Variants in ZFP82 observed in about 807,000 individuals in gnomAD.
ZFP82 encodes the protein zinc finger protein 82 homolog.
ZFP82 carries 30 observed loss-of-function variants against 54.0 expected under a neutral mutation model. The ratio of observed to expected loss-of-function variants is 0.56; its 90% CI spans 0.42 to 0.75. The LOEUF is 0.75. Ranked by LOEUF, ZFP82 falls within the 30% of genes least tolerant of loss-of-function variation. The pLI, the probability that ZFP82 is intolerant of heterozygous loss-of-function variation, is 0.00. For missense variants in ZFP82, 500 were observed against 636.8 expected, an observed-to-expected ratio of 0.79 and a Z score of 2.31; for synonymous variants, 194 against 209.5, an observed-to-expected ratio of 0.93 and a Z score of 0.64.
At chr19:36,408,782 ACTCCAG>A (rs1238893369) in intron 2 of ZFP82, among the ~76,000 whole-genome samples, 3 of 152,078 alleles carry the variant, frequency 2.0e-5, no homozygotes, top group Non-Finnish European at 4.4e-5. Flanking sequence ...ACACCATTGC[ACTCCAG>A]CCTAGCCAAC....
At chr19:36,399,490 G>T (rs941288124) in intron 4 of ZFP82, among the ~76,000 whole-genome samples, 1 of 152,216 alleles carries the variant, frequency 6.6e-6, no homozygotes, top group Non-Finnish European at 1.5e-5. Flanking sequence ...CAGACAAGAG[G>T]TTAGGGTATC....
At chr19:36,414,309 C>G (rs1320248434) in intron 1 of ZFP82, among the ~76,000 whole-genome samples, 1 of 151,002 alleles carries the variant, frequency 6.6e-6, no homozygotes, top group Non-Finnish European at 1.5e-5. Flanking sequence ...GATTTTTCAG[C>G]ATTGCTCTTA....
chr19:36,393,095 A>T lies in ZFP82; in HGVS notation c.1245T>A (p.Ile415=). Residue 415 remains isoleucine, a synonymous_variant, in exon 5 of 5, where the codon ATT becomes ATA. Coordinates refer to ENST00000392161, the MANE Select transcript of ZFP82 (RefSeq NM_133466.4). ...AGTCATAGGGCTTAACACCAATATG[A>T]ATACTCTGATGTGAAATAAGTTGTG... ...RYSQLISHQS[I]HIGVKPYDCK... is the part of the protein sequence containing the mutation. 6.2e-7 allele frequency: 1 copy of T among 1,614,040 alleles called. No individual in the cohort carries two copies.
intron 4 of ZFP82, 49 bp from the exon 5 acceptor site, chr19:36,394,159 G>A (rs2032255909): frequency 2.0e-6 from 3 of 1,482,076 alleles, no homozygotes; most frequent in African/African-American, 2.8e-5. Flanking sequence ...TTTACTAAAA[G>A]AAGCAACATT....
At position 36,408,018 on chromosome 19, in the gene ZFP82, A is replaced by G. The variant is rs756666882; in HGVS notation, c.10-5T>C. 5.0e-6 allele frequency: 8 copies of G among 1,612,680 alleles called. No individual in the cohort carries two copies. The East Asian group carries it at 1.8e-4, about 36-fold the overall frequency. On this transcript the variant is annotated splice_polypyrimidine_tract_variant and splice_region_variant and intron_variant, in intron 2 of 4. Transcript: ENST00000392161. ...ATCACTGAACATCACTGATCGCTGA[A>G]ATGACAAACCACACATTATAAATGA...
chr19:36,417,160 TACTC>T (rs142608056), intron 1 of ZFP82, among the ~76,000 whole-genome samples: 1,769 of 149,086 alleles, frequency 0.012, 38 homozygotes, highest in African/African-American at 0.04. Flanking sequence ...TACTAGGAAA[TACTC>T]ACCACAATTG....
At chr19:36,398,494 G>T (rs998404535) in intron 4 of ZFP82, among the ~76,000 whole-genome samples, 1 of 149,802 alleles carries the variant, frequency 6.7e-6, no homozygotes, top group Non-Finnish European at 1.5e-5. Context: ...CCAAGATCAC[G>T]CCACTGCACT....
chr19:36,401,432 A>C (rs2032382729), intron 4 of ZFP82, among the ~76,000 whole-genome samples: 1 of 152,112 alleles, frequency 6.6e-6, no homozygotes, highest in African/African-American at 2.4e-5. Context: ...CTATTCACCC[A>C]GTTGTTTAAG....
chr19:36,411,053 T>C (rs2145598355), intron 1 of ZFP82, among the ~76,000 whole-genome samples: 1 of 151,830 alleles, frequency 6.6e-6, no homozygotes, highest in African/African-American at 2.4e-5. Flanking sequence ...ATTAGCTGGG[T>C]GTGGTGGCAG....
intron 4 of ZFP82, 55 bp downstream of exon 4, chr19:36,405,525 C>A: frequency 7.5e-7 from 1 of 1,332,568 alleles, no homozygotes; most frequent in South Asian, 1.3e-5. Flanking sequence ...GTCTCTTCCC[C>A]AGTGATCTGG....
downstream of ZFP82, chr19:36,384,241 G>C (rs1190684714): frequency 6.6e-6 from 1 of 152,078 alleles, no homozygotes; most frequent in East Asian, 1.9e-4. Flanking sequence ...CAATAAGAAA[G>C]TTTAAATACA....
intron 3 of ZFP82, among the ~76,000 whole-genome samples, chr19:36,406,593 ATATTC>A (rs148186381): frequency 6.6e-6 from 1 of 152,332 alleles, no homozygotes; most frequent in East Asian, 1.9e-4. Context: ...CCTTCAATGA[ATATTC>A]TATTGTATGA....
At chr19:36,408,929 C>T (rs73608353) in intron 2 of ZFP82, among the ~76,000 whole-genome samples, 2,851 of 152,252 alleles carry the variant, frequency 0.019, 99 homozygotes, top group African/African-American at 0.066. Context: ...TAAGATCCTC[C>T]TCAATTCTGG....
exon 2 of ZFP82, chr19:36,383,625 ATATC>A (rs1385942323): frequency 6.6e-6 from 1 of 152,128 alleles, no homozygotes; most frequent in Non-Finnish European, 1.5e-5. Flanking sequence ...AAACAAAATT[ATATC>A]TATTTGCAGT....
At chr19:36,395,364 AG>A (rs2145581613) in intron 4 of ZFP82, 1 of 152,184 alleles carries the variant, frequency 6.6e-6, no homozygotes, top group East Asian at 1.9e-4. Context: ...CTCATAGTCA[AG>A]GCCATTCCTG....
chr19:36,384,808 T>C (rs7254161), downstream of ZFP82, among the ~76,000 whole-genome samples: 6,067 of 152,304 alleles, frequency 0.04, 380 homozygotes, highest in African/African-American at 0.14. Flanking sequence ...TACATTTTAC[T>C]GTTTACAAAT....
At chr19:36,415,810 A>T (rs927579848) in intron 1 of ZFP82, among the ~76,000 whole-genome samples, 1 of 152,234 alleles carries the variant, frequency 6.6e-6, no homozygotes, top group Admixed American at 6.5e-5. Context: ...AAAATAAACA[A>T]CAGTGTGGCA....
At position 36,392,587 on chromosome 19, in the gene ZFP82, T is replaced by C; in HGVS notation, c.*154A>G. ...AGTTTTTAGAACAAATATGCTGAAG[T>C]TTCAGGTTTGAGTGATGATGGACTA... On this transcript the variant is annotated 3_prime_UTR_variant, in exon 5 of 5. Coordinates refer to ENST00000392161, the MANE Select transcript of ZFP82 (RefSeq NM_133466.4). 3 of 613,676 alleles carry C rather than the reference T, an allele frequency of 4.9e-6. No homozygotes were observed. The highest frequency in any genetic ancestry group is 7.9e-6 in the Non-Finnish European group (3 of 380,062). 38.0% of individuals were successfully genotyped at this position (613,676 alleles called of 1,614,324 possible).
intron 4 of ZFP82, among the ~76,000 whole-genome samples, chr19:36,400,802 C>G (rs1289410500): frequency 2.6e-5 from 4 of 152,190 alleles, no homozygotes; most frequent in African/African-American, 7.2e-5. Context: ...ACTGACAACC[C>G]TATTTCCCAG....
Sources: gnomAD v4.1 joint callset for allele counts (sites outside exome capture counted in the v4.1 genomes callset) on GRCh38, gnomAD v4.1.1 for gene constraint, MANE v1.5 for transcripts, NCBI Gene and HGNC (gene_info 2026-07-23, HGNC 2026-07-21) for gene names.